Variants in CREG2 observed in about 807,000 individuals in gnomAD.
CREG2 encodes protein CREG2.
CREG2 carries 24 observed loss-of-function variants against 26.2 expected under a neutral mutation model. The ratio of observed to expected loss-of-function variants is 0.92; its 90% CI spans 0.66 to 1.29. The LOEUF is 1.29. Among genes scored for constraint, CREG2 ranks in the 50% most tolerant of loss-of-function variants. The probability of loss-of-function intolerance (pLI) is 0.00; values close to 1 mark genes in which losing one functional copy is unlikely to be tolerated. For missense variants in CREG2, 366 were observed against 398.6 expected, an observed-to-expected ratio of 0.92 and a Z score of 0.70; for synonymous variants, 174 against 169.2, an observed-to-expected ratio of 1.03 and a Z score of -0.22.
chr2:101,351,937 G>T (rs567662248), intron 3 of CREG2, among the ~76,000 whole-genome samples: 22 of 152,008 alleles, frequency 1.4e-4, no homozygotes, highest in Non-Finnish European at 2.5e-4. Flanking sequence ...CCTGGCTGGA[G>T]TGCAGTGGCG....
chr2:101,345,718 A>C lies in CREG2; in HGVS notation c.*5205T>G, dbSNP rs1684294449. On this transcript the variant is annotated 3_prime_UTR_variant, in exon 4 of 4. Transcript: ENST00000324768. ...ATTGTACAATAATTGACTTTCTGTT[A>C]TAGCAATCAAATAAGCATCAATAAA... is the stretch of plus-strand genomic sequence containing the variant. The C allele has an allele frequency of 6.6e-6, 1 of 152,238 alleles. No homozygotes were observed. The highest frequency in any genetic ancestry group is 1.5e-5 in the Non-Finnish European group (1 of 68,046). The allele number at this position is 152,238 out of a possible 1,614,324, so 9.4% of individuals were successfully genotyped here.
chr2:101,345,805 C>T lies in CREG2; in HGVS notation c.*5118G>A, dbSNP rs1021377474. The T allele has an allele frequency of 6.6e-6, 1 of 151,162 alleles. No individual in the cohort carries two copies. Among genetic ancestry groups the T allele is most frequent in the African/African-American group, 2.4e-5 (1 of 41,118 alleles). 9.4% of individuals were successfully genotyped at this position (151,162 alleles called of 1,614,324 possible). A position where few individuals can be genotyped will look rare whatever the true frequency, so the allele number is the denominator to read the frequency against. ...GATAGTTCAATTATTTAAATAAATA[C>T]AGACTTTTTGGAAAAATTGTAGAAA... On this transcript the variant is annotated 3_prime_UTR_variant, in exon 4 of 4. Coordinates refer to ENST00000324768, the MANE Select transcript of CREG2 (RefSeq NM_153836.4).
intron 2 of CREG2, among the ~76,000 whole-genome samples, chr2:101,355,890 G>A (rs1182728923): frequency 2.0e-5 from 3 of 152,138 alleles, no homozygotes; most frequent in African/African-American, 4.8e-5. Context: ...AGTGGTTGCC[G>A]TCAGTGATGG....
At chr2:101,382,154 G>C (rs1229029952) in intron 2 of CREG2, 1 of 152,266 alleles carries the variant, frequency 6.6e-6, no homozygotes, top group Non-Finnish European at 1.5e-5. Flanking sequence ...AGCCTGGGAA[G>C]CTTAGAAAGG....
Position 101,350,737 on chromosome 2 carries a change from G to A in CREG2, c.*186C>T. 1.7e-6 allele frequency: 1 copy of A among 602,178 alleles called. No individual in the cohort carries two copies. The highest frequency in any genetic ancestry group is 2.9e-6 in the Non-Finnish European group (1 of 342,334). 37.3% of individuals were successfully genotyped at this position (602,178 alleles called of 1,614,324 possible). On this transcript the variant is annotated 3_prime_UTR_variant, in exon 4 of 4. Coordinates refer to ENST00000324768, the MANE Select transcript of CREG2 (RefSeq NM_153836.4). Reference sequence around the variant, plus strand: ...AAGTATCTGTGTGAGTTGGAGATCTGCAAATGACCACTTTAATCTCAAATC... The same window carrying A: ...AAGTATCTGTGTGAGTTGGAGATCTACAAATGACCACTTTAATCTCAAATC...
Position 101,347,174 on chromosome 2 carries a change from GT to G in CREG2, c.*3748del, listed in dbSNP as rs1185304177. 1 of 152,156 alleles carries G rather than the reference GT, an allele frequency of 6.6e-6. No individual in the cohort carries two copies. Among genetic ancestry groups the G allele is most frequent in the Non-Finnish European group, 1.5e-5 (1 of 68,044 alleles). 9.4% of individuals were successfully genotyped at this position (152,156 alleles called of 1,614,324 possible). A position where few individuals can be genotyped will look rare whatever the true frequency, so the allele number is the denominator to read the frequency against. On this transcript the variant is annotated 3_prime_UTR_variant, in exon 4 of 4. Coordinates refer to ENST00000324768, the MANE Select transcript of CREG2 (RefSeq NM_153836.4). ...GTAATTAGTTCTTTTTTATCGCTGA[GT>G]AGTATTCCGGGCATAGAGGCACCAT...
At chr2:101,364,737 C>G (rs1361703310) in intron 2 of CREG2, among the ~76,000 whole-genome samples, 1 of 152,130 alleles carries the variant, frequency 6.6e-6, no homozygotes, top group African/African-American at 2.4e-5. Flanking sequence ...ACCTGAGCCA[C>G]CTGGGTGCAG....
chr2:101,379,744 C>A (rs1237766701), intron 2 of CREG2, among the ~76,000 whole-genome samples: 2 of 152,196 alleles, frequency 1.3e-5, no homozygotes, highest in Non-Finnish European at 2.9e-5. Flanking sequence ...GCAGACACCG[C>A]TATTTATTCT....
rs1355906011 is a variant in CREG2, at chr2:101,348,812, T to A, written c.*2111A>T. ...CTTGCCTTATTGCCATGTCTAGAAC[T>A]TCCAGAACAGCCTCTAACATTTTAA... On this transcript the variant is annotated 3_prime_UTR_variant, in exon 4 of 4. Coordinates refer to ENST00000324768, the MANE Select transcript of CREG2 (RefSeq NM_153836.4). 2.6e-5 allele frequency: 4 copies of A among 152,200 alleles called. No individual in the cohort carries two copies. The highest frequency in any genetic ancestry group is 9.7e-5 in the African/African-American group (4 of 41,448). 9.4% of individuals were successfully genotyped at this position (152,200 alleles called of 1,614,324 possible). A position where few individuals can be genotyped will look rare whatever the true frequency, so the allele number is the denominator to read the frequency against.
intron 2 of CREG2, among the ~76,000 whole-genome samples, chr2:101,379,977 A>G (rs1277863098): frequency 7.0e-6 from 1 of 143,822 alleles, no homozygotes; most frequent in South Asian, 2.2e-4. Context: ...GCTTCTATCT[A>G]TCTATCTATC....
At chr2:101,352,417 T>C (rs940016162) in intron 3 of CREG2, among the ~76,000 whole-genome samples, 2 of 152,146 alleles carry the variant, frequency 1.3e-5, no homozygotes, top group Non-Finnish European at 2.9e-5. Context: ...GTGGTGCTGG[T>C]GCAGCAAACC....
intron 2 of CREG2, among the ~76,000 whole-genome samples, chr2:101,357,983 A>G (rs1230818569): frequency 1.3e-5 from 2 of 151,196 alleles, no homozygotes. Context: ...TCTCAAAAAA[A>G]AAAAAAAAAA....
rs533919125 is a variant in CREG2, at chr2:101,383,663, C to CA, written c.480dup (p.Asp161Ter). 2.0e-4 allele frequency: 327 copies of CA among 1,612,058 alleles called. No individual in the cohort carries two copies. Among genetic ancestry groups the CA allele is most frequent in the Non-Finnish European group, 2.7e-4 (320 of 1,178,966 alleles). On this transcript the variant is annotated frameshift_variant, in exon 2 of 4. Coordinates refer to ENST00000324768, the MANE Select transcript of CREG2 (RefSeq NM_153836.4). LOFTEE classifies it high-confidence loss of function. ...CCAGTGCTATTGTTGAAGGGGCCAT[C>CA]ACTGACGGGCAGGCAGTTCCCAAAT...
intron 2 of CREG2, among the ~76,000 whole-genome samples, chr2:101,360,583 C>A (rs1198164706): frequency 6.6e-6 from 1 of 151,896 alleles, no homozygotes; most frequent in Non-Finnish European, 1.5e-5. Context: ...TAAAAAAATA[C>A]AAAAATTAGC....
chr2:101,355,223 G>T, intron 3 of CREG2, 30 bp downstream of exon 3: 1 of 1,342,352 alleles, frequency 7.4e-7, no homozygotes, highest in Non-Finnish European at 1.1e-6. Context: ...GTGTATTTCT[G>T]GGCATATAAA....
At chr2:101,377,156 C>A (rs543999806) in intron 2 of CREG2, among the ~76,000 whole-genome samples, 3 of 151,864 alleles carry the variant, frequency 2.0e-5, no homozygotes, top group South Asian at 4.2e-4. Context: ...TATTTTTTTC[C>A]CACTGTGGGA....
At chr2:101,370,385 T>C (rs2104479018) in intron 2 of CREG2, among the ~76,000 whole-genome samples, 1 of 152,296 alleles carries the variant, frequency 6.6e-6, no homozygotes. Flanking sequence ...GCTGAGAGTG[T>C]GCTCAAAACT....
chr2:101,380,323 G>A (rs747876014), intron 2 of CREG2, among the ~76,000 whole-genome samples: 1 of 152,194 alleles, frequency 6.6e-6, no homozygotes. Context: ...TGGAGATGGC[G>A]CTCACTAGCC....
intron 2 of CREG2, among the ~76,000 whole-genome samples, chr2:101,378,497 C>T (rs1176278407): frequency 6.6e-6 from 1 of 152,156 alleles, no homozygotes. Context: ...TCTAAATTTG[C>T]AGGAGTTCGC....
Sources: gnomAD v4.1 joint callset for allele counts (sites outside exome capture counted in the v4.1 genomes callset) on GRCh38, gnomAD v4.1.1 for gene constraint, MANE v1.5 for transcripts, NCBI Gene and HGNC (gene_info 2026-07-23, HGNC 2026-07-21) for gene names.